The following SH3D19 variants were observed in gnomAD, a reference collection of about 807,000 sequenced individuals.
The protein encoded by SH3D19 is SH3 domain containing 19.
SH3D19 carries 58 observed loss-of-function variants against 112.1 expected under a neutral mutation model. The observed-to-expected ratio is 0.52, with a 90% CI of 0.42 to 0.64. The LOEUF (loss-of-function observed/expected upper bound fraction) is 0.64. Ranked by LOEUF, SH3D19 falls within the 30% of genes least tolerant of loss-of-function variation. SH3D19 has a pLI of 0.00. For synonymous variants in SH3D19, 391 were observed against 448.5 expected (o/e 0.87, Z 1.62); for missense variants, 1,090 against 1,263.4 (o/e 0.86, Z 2.08).
At chr4:151,254,094 T>A (rs1322172541) in intron 1 of SH3D19, among the ~76,000 whole-genome samples, 1 of 152,164 alleles carries the variant, frequency 6.6e-6, no homozygotes, top group African/African-American at 2.4e-5. Flanking sequence ...AGTTTCCTCA[T>A]CTATAAAGGG....
At chr4:151,293,643 A>G (rs900603510) in intron 1 of SH3D19, among the ~76,000 whole-genome samples, 3 of 152,142 alleles carry the variant, frequency 2.0e-5, no homozygotes, top group African/African-American at 7.2e-5. Context: ...TCTCCTCCAC[A>G]GCATTCAGAT....
Position 151,174,918 on chromosome 4 carries a change from A to G in SH3D19, c.1286T>C (p.Val429Ala). ...AGGGTAGGTGGGGTTTTCTGAGGAA[A>G]CAGATTTCTTCAGCAGCAAAGGCCG... ...APRPLLLKKSVSSENPTYPSA... is the reference protein window; with the variant it reads ...APRPLLLKKSASSENPTYPSA... Residue 429 changes from valine to alanine, a missense_variant, in exon 7 of 20, where the codon GTT (valine) becomes GCT (alanine). Coordinates refer to ENST00000604030, the MANE Select transcript of SH3D19 (RefSeq NM_001378122.1). The G allele has an allele frequency of 6.2e-7, 1 of 1,613,642 alleles. No individual in the cohort carries two copies. Among genetic ancestry groups the G allele is most frequent in the Non-Finnish European group, 8.5e-7 (1 of 1,179,682 alleles).
At position 151,175,422 on chromosome 4, in the gene SH3D19, G is replaced by C; in HGVS notation, c.782C>G (p.Ser261Cys). 6.5e-7 allele frequency: 1 copy of C among 1,536,868 alleles called. No homozygotes were observed. Among genetic ancestry groups the C allele is most frequent in the Non-Finnish European group, 8.7e-7 (1 of 1,145,426 alleles). Reference sequence around the variant, plus strand: ...CAGCAGAGACTGGGGCCGGCCTGGGGATGACTCCTCTCCTACGGCTGCTGG... The same window carrying C: ...CAGCAGAGACTGGGGCCGGCCTGGGCATGACTCCTCTCCTACGGCTGCTGG... Reference protein sequence around the residue: ...ISPAAVGEESSPGRPQSLLDN... With the variant: ...ISPAAVGEESCPGRPQSLLDN... Residue 261 changes from serine to cysteine, a missense_variant, in exon 7 of 20, where the codon TCC becomes TGC. Coordinates refer to ENST00000604030, the MANE Select transcript of SH3D19 (RefSeq NM_001378122.1).
At chr4:151,188,201 T>G (rs1397964069) in intron 2 of SH3D19, among the ~76,000 whole-genome samples, 1 of 152,174 alleles carries the variant, frequency 6.6e-6, no homozygotes, top group Non-Finnish European at 1.5e-5. Context: ...AGCAAAAAAT[T>G]GACTAAGACA....
At chr4:151,287,994 C>T (rs191479697) in intron 1 of SH3D19, among the ~76,000 whole-genome samples, 1 of 152,158 alleles carries the variant, frequency 6.6e-6, no homozygotes, top group South Asian at 2.1e-4. Context: ...TGTTAATATA[C>T]CATGTTCTTA....
intron 8 of SH3D19, among the ~76,000 whole-genome samples, chr4:151,162,116 A>G (rs1314129203): frequency 2.0e-5 from 3 of 151,878 alleles, no homozygotes; most frequent in Non-Finnish European, 4.4e-5. Flanking sequence ...CCCCGCATGC[A>G]TTAGGTATTT....
chr4:151,252,111 T>C (rs1233271925), intron 1 of SH3D19, among the ~76,000 whole-genome samples: 1 of 152,210 alleles, frequency 6.6e-6, no homozygotes, highest in Non-Finnish European at 1.5e-5. Flanking sequence ...ATCTGTCCCC[T>C]GCTCAAGGAC....
At chr4:151,161,749 G>A (rs1177538559) in intron 8 of SH3D19, among the ~76,000 whole-genome samples, 1 of 145,084 alleles carries the variant, frequency 6.9e-6, no homozygotes, top group Non-Finnish European at 1.5e-5. Flanking sequence ...TGTTCTCACT[G>A]TTCAATTCAT....
intron 2 of SH3D19, among the ~76,000 whole-genome samples, chr4:151,225,254 A>T (rs897630811): frequency 2.9e-4 from 44 of 152,334 alleles, no homozygotes; most frequent in African/African-American, 1.0e-3. Flanking sequence ...ATAAAACATC[A>T]AAAAAGGTGG....
chr4:151,139,993 C>T (rs901918463), intron 12 of SH3D19, 146 bp from the exon 13 acceptor site: 9 of 575,838 alleles, frequency 1.6e-5, no homozygotes, highest in Non-Finnish European at 2.4e-5. Flanking sequence ...CACAGTTGAG[C>T]CAAACAAGGG....
intron 1 of SH3D19, among the ~76,000 whole-genome samples, chr4:151,297,740 C>T (rs1253503729): frequency 6.6e-6 from 1 of 152,106 alleles, no homozygotes; most frequent in African/African-American, 2.4e-5. Context: ...AACAATAGCC[C>T]CTCTAAGGAC....
intron 1 of SH3D19, among the ~76,000 whole-genome samples, chr4:151,245,207 ACTGACCTTT>A (rs573109402): frequency 1.6e-4 from 25 of 152,056 alleles, no homozygotes; most frequent in Non-Finnish European, 3.2e-4. Context: ...CTTTATCACT[ACTGACCTTT>A]CTGAGTTAAA....
intron 1 of SH3D19, among the ~76,000 whole-genome samples, chr4:151,240,808 CA>C (rs1464644783): frequency 2.0e-5 from 3 of 151,778 alleles, no homozygotes; most frequent in Non-Finnish European, 4.4e-5. Context: ...AAGAGAAATA[CA>C]AACATGTCTA....
At chr4:151,288,042 T>C (rs1350786820) in intron 1 of SH3D19, among the ~76,000 whole-genome samples, 3 of 17,326 alleles carry the variant, frequency 1.7e-4, no homozygotes, top group African/African-American at 6.1e-4. Context: ...TGTCAATAAA[T>C]ATGGAAAAAA....
intron 1 of SH3D19, chr4:151,277,200 C>A: frequency 6.7e-7 from 1 of 1,501,542 alleles, no homozygotes; most frequent in East Asian, 2.5e-5. Flanking sequence ...TGCCTTCACG[C>A]TGCTCCTTCT....
At chr4:151,133,963 T>C (rs1751289640) in intron 15 of SH3D19, among the ~76,000 whole-genome samples, 1 of 152,198 alleles carries the variant, frequency 6.6e-6, no homozygotes, top group Non-Finnish European at 1.5e-5. Context: ...TTTGAGGGTT[T>C]AGAAAGGAAG....
rs1760034970 is a variant in SH3D19 at position 151,176,893 on chromosome 4, G to T, written c.299C>A (p.Thr100Asn). ...AGGAAATCCCAGTCCTGGGGGTGGG[G>T]TTCCTGGAAACCACGAGGCTGGCCT... Reference protein sequence around the residue: ...PLRPASWFPGTPPPGLGFPTS... With the variant: ...PLRPASWFPGNPPPGLGFPTS... The change falls in exon 5 of 20, where the codon ACC (threonine) becomes AAC (asparagine). Residue 100 changes from threonine (T) to asparagine (N), a missense_variant. By Grantham distance (65) the Thr-to-Asn change is moderately conservative. Transcript: ENST00000604030. The T allele has an allele frequency of 8.1e-7, 1 of 1,232,224 alleles. No individual in the cohort carries two copies. Among genetic ancestry groups the T allele is most frequent in the African/African-American group, 1.5e-5 (1 of 64,562 alleles). The allele number at this position is 1,232,224 out of a possible 1,614,324, so 76.3% of individuals were successfully genotyped here.
intron 2 of SH3D19, among the ~76,000 whole-genome samples, chr4:151,187,741 A>T (rs376691974): frequency 3.3e-5 from 5 of 152,208 alleles, no homozygotes; most frequent in African/African-American, 7.2e-5. Flanking sequence ...GAAAATCTGG[A>T]TACCACTCGT....
Position 151,176,856 on chromosome 4 carries a change from T to G in SH3D19, c.336A>C (p.Ala112=). ...PPGLGFPTSS[A]AGSWRPNELV... is the part of the protein sequence containing the mutation. ...GCTCATTAGGCCTCCAAGAGCCTGC[T>G]GCAGATGATGTAGGAAATCCCAGTC... Residue 112 remains alanine, a synonymous_variant, in exon 5 of 20, where the codon GCA becomes GCC. Transcript: ENST00000604030. 3 of 1,232,212 alleles carry G rather than the reference T, an allele frequency of 2.4e-6. No individual in the cohort carries two copies. Among genetic ancestry groups the G allele is most frequent in the Non-Finnish European group, 1.0e-6 (1 of 987,982 alleles). The allele number at this position is 1,232,212 out of a possible 1,614,324, so 76.3% of individuals were successfully genotyped here.
Sources: gnomAD v4.1 joint callset for allele counts (sites outside exome capture counted in the v4.1 genomes callset) on GRCh38, gnomAD v4.1.1 for gene constraint, MANE v1.5 for transcripts, NCBI Gene and HGNC (gene_info 2026-07-23, HGNC 2026-07-21) for gene names.